The following ZMYM4 variants were observed in gnomAD, a reference collection of about 807,000 sequenced individuals.
ZMYM4 encodes the protein zinc finger MYM-type containing 4, also known as zinc finger MYM-type protein 4.
ZMYM4 carries 31 observed loss-of-function variants against 183.2 expected under a neutral mutation model. That is an observed-to-expected ratio of 0.17 (90% CI 0.13 to 0.23). The LOEUF (loss-of-function observed/expected upper bound fraction) is 0.23. Among genes scored for constraint, ZMYM4 ranks in the 10% least tolerant of loss-of-function variants. ZMYM4 has a pLI of 1.00. For missense variants in ZMYM4, 1,273 were observed against 1,840.3 expected, an observed-to-expected ratio of 0.69 and a Z score of 5.64; for synonymous variants, 592 against 631.2, an observed-to-expected ratio of 0.94 and a Z score of 0.93.
Position 35,389,853 on chromosome 1 carries a change from A to G in ZMYM4, c.2437-95A>G. On this transcript the variant is annotated intron_variant, in intron 14 of 29. Coordinates refer to ENST00000314607, the MANE Select transcript of ZMYM4 (RefSeq NM_005095.3). This position sits in a 1 kb window ranked among gnomAD's most constrained non-coding sequence, Gnocchi z 4.0. ...AACTAATTTTTTGATCTAAATTCTA[A>G]GTTAATTTCGTCACTTGTTATGTGT... 1 of 1,303,342 alleles carries G rather than the reference A, an allele frequency of 7.7e-7. No individual in the cohort carries two copies. The highest frequency in any genetic ancestry group is 1.5e-5 in the South Asian group (1 of 66,370). 80.7% of individuals were successfully genotyped at this position (1,303,342 alleles called of 1,614,324 possible).
rs71062872 is a variant in ZMYM4 at position 35,286,772 on chromosome 1, A to ATT, written c.39+17724_39+17725dup. Among the ~76,000 whole-genome samples the ATT allele has an allele frequency of 1.3e-3, 61 of 46,518 alleles. 8 individuals carry two copies. Among genetic ancestry groups the ATT allele is most frequent in the Non-Finnish European group, 2.0e-3 (45 of 22,872 alleles). The allele number at this position is 46,518 out of a possible 152,430, so 30.5% of individuals were successfully genotyped here. On this transcript the variant is annotated intron_variant, in intron 1 of 29. Coordinates refer to ENST00000314607, the MANE Select transcript of ZMYM4 (RefSeq NM_005095.3). ...ACCCTTGTGCCTGGCTATTTAAATA[A>ATT]TTTTTTTTTTTTTTTTTTTTTTTTT...
At chr1:35,396,403 A>T in intron 18 of ZMYM4, 149 bp from the exon 19 acceptor site, 2 of 1,065,606 alleles carry the variant, frequency 1.9e-6, no homozygotes, top group Non-Finnish European at 2.6e-6. Context: ...TGGCTACTTT[A>T]GTTATTTCTC....
chr1:35,370,574 A>C lies in ZMYM4; in HGVS notation c.1128A>C (p.Pro376=). ...TGTGCCTCACTGGATATACAGTTCC[A>C]CCTGCCCGCCCACCGCCTCCTCTCA... ...STLCLTGYTV[P]PARPPPPLTK... The change falls in exon 7 of 30, where the codon CCA becomes CCC. Residue 376 remains proline, a synonymous_variant. Transcript: ENST00000314607. 2 of 1,612,696 alleles carry C rather than the reference A, an allele frequency of 1.2e-6. No homozygotes were observed. The highest frequency in any genetic ancestry group is 1.7e-6 in the Non-Finnish European group (2 of 1,179,302).
At chr1:35,363,745 G>A (rs903818792) in intron 5 of ZMYM4, among the ~76,000 whole-genome samples, 25 of 152,176 alleles carry the variant, frequency 1.6e-4, no homozygotes, top group African/African-American at 6.0e-4. Context: ...ATAGAAGCAG[G>A]TAATGGAGAT....
chr1:35,359,007 G>A lies in ZMYM4; in HGVS notation c.168G>A (p.Met56Ile). ...TPTLDSMSYG[M>I]PNQTGSENSL... ...CCCTTGACAGCATGTCTTATGGAATGCCGAATCAAACAGGATCTGAAAATT... is the reference window on the plus strand; with the variant it reads ...CCCTTGACAGCATGTCTTATGGAATACCGAATCAAACAGGATCTGAAAATT... Residue 56 changes from methionine to isoleucine, a missense_variant, in exon 3 of 30, where the codon ATG becomes ATA. Physicochemically the swap from Met to Ile is conservative, Grantham distance 10 (BLOSUM62 1). Transcript: ENST00000314607. 6.2e-7 allele frequency: 1 copy of A among 1,613,682 alleles called. No individual in the cohort carries two copies. Among genetic ancestry groups the A allele is most frequent in the Non-Finnish European group, 8.5e-7 (1 of 1,179,730 alleles).
intron 11 of ZMYM4, among the ~76,000 whole-genome samples, chr1:35,386,602 A>C (rs1644583560): frequency 6.6e-6 from 1 of 152,186 alleles, no homozygotes; most frequent in African/African-American, 2.4e-5. Context: ...ACACGAATTC[A>C]AACCTATCAC....
Position 35,380,314 on chromosome 1 carries a change from T to TTTA in ZMYM4, c.1182-943_1182-942insATT, listed in dbSNP as rs576642893. ...TTGGTTTTTATTATTTATTTATTTATTTTATTTATTTATTTATTTATTTAT... is the reference window on the plus strand; with the variant it reads ...TTGGTTTTTATTATTTATTTATTTATTTATTTATTTATTTATTTATTTATTTAT... On this transcript the variant is annotated intron_variant, in intron 7 of 29. Coordinates refer to ENST00000314607, the MANE Select transcript of ZMYM4 (RefSeq NM_005095.3). Among the ~76,000 whole-genome samples the TTTA allele has an allele frequency of 3.2e-3, 491 of 151,304 alleles. 2 individuals carry two copies. Among genetic ancestry groups the TTTA allele is most frequent in the Non-Finnish European group, 4.7e-3 (319 of 67,784 alleles).
intron 7 of ZMYM4, among the ~76,000 whole-genome samples, chr1:35,379,940 G>C (rs1342547649): frequency 1.3e-5 from 2 of 152,186 alleles, no homozygotes; most frequent in East Asian, 3.8e-4. Flanking sequence ...AGTAACATCA[G>C]TGTTCACTAA....
At chr1:35,293,544 T>C (rs1394591571) in intron 1 of ZMYM4, among the ~76,000 whole-genome samples, 1 of 152,136 alleles carries the variant, frequency 6.6e-6, no homozygotes, top group East Asian at 1.9e-4. Context: ...GTTGAACTCC[T>C]GACCTCAGGT....
chr1:35,342,828 G>A (rs1035202051), intron 2 of ZMYM4, among the ~76,000 whole-genome samples: 4 of 151,766 alleles, frequency 2.6e-5, no homozygotes, highest in African/African-American at 4.8e-5. Context: ...ATGCCACCAC[G>A]CCCAGCTACT....
chr1:35,382,158 A>G (rs973338380), intron 9 of ZMYM4, among the ~76,000 whole-genome samples: 1 of 147,544 alleles, frequency 6.8e-6, no homozygotes, highest in African/African-American at 2.6e-5. Context: ...AAAAAAAAAA[A>G]CAAAAATGTA....
rs1448426522 is a variant in ZMYM4, at chr1:35,389,746, C to T, written c.2437-202C>T. ...CTCCAGCCTGGGCGATAGAGCAAGG[C>T]TCTGTCTCAAAAAAAAAAAAAAATA... On this transcript the variant is annotated intron_variant, in intron 14 of 29. Coordinates refer to ENST00000314607, the MANE Select transcript of ZMYM4 (RefSeq NM_005095.3). This position sits in a 1 kb window ranked among gnomAD's most constrained non-coding sequence, Gnocchi z 4.0. 1.4e-5 allele frequency among the ~76,000 whole-genome samples: 2 copies of T among 142,196 alleles called. No homozygotes were observed. The highest frequency in any genetic ancestry group is 7.0e-5 in the Admixed American group (1 of 14,298). The allele number at this position is 142,196 out of a possible 152,430, so 93.3% of individuals were successfully genotyped here.
chr1:35,304,064 G>A (rs545501568), intron 1 of ZMYM4, among the ~76,000 whole-genome samples: 7 of 150,272 alleles, frequency 4.7e-5, no homozygotes, highest in South Asian at 2.1e-4. Flanking sequence ...TCGCGCTGTC[G>A]CCTGGGCTGG....
intron 1 of ZMYM4, among the ~76,000 whole-genome samples, chr1:35,293,558 C>A (rs988051542): frequency 2.0e-5 from 3 of 152,088 alleles, no homozygotes; most frequent in Admixed American, 6.6e-5. Flanking sequence ...CTCAGGTGAT[C>A]CACCTGCCTC....
chr1:35,356,370 T>C (rs903968784), intron 2 of ZMYM4, among the ~76,000 whole-genome samples: 1 of 152,206 alleles, frequency 6.6e-6, no homozygotes, highest in South Asian at 2.1e-4. Context: ...ACAGAGCACA[T>C]GCTATGTGGT....
intron 5 of ZMYM4, among the ~76,000 whole-genome samples, chr1:35,367,609 G>A (rs1007086995): frequency 2.6e-5 from 4 of 152,132 alleles, no homozygotes; most frequent in African/African-American, 4.8e-5. Context: ...AGAAGAGATA[G>A]CCCAAAAACA....
At chr1:35,355,127 A>G (rs1643770364) in intron 2 of ZMYM4, among the ~76,000 whole-genome samples, 1 of 150,034 alleles carries the variant, frequency 6.7e-6, no homozygotes, top group South Asian at 2.1e-4. Context: ...TTCGCCTTCC[A>G]GGTTCACGCC....
intron 1 of ZMYM4, among the ~76,000 whole-genome samples, chr1:35,316,001 A>T (rs556196267): frequency 2.0e-5 from 3 of 152,164 alleles, no homozygotes; most frequent in African/African-American, 7.2e-5. Flanking sequence ...AGAGAATTAG[A>T]CCTACTTTTT....
At chr1:35,385,259 A>G (rs1644551760) in intron 9 of ZMYM4, among the ~76,000 whole-genome samples, 183 bp from the exon 10 acceptor site, 1 of 152,256 alleles carries the variant, frequency 6.6e-6, no homozygotes. Flanking sequence ...CATGCATCAT[A>G]CACAAATGCA....
Sources: gnomAD v4.1 joint callset for allele counts (sites outside exome capture counted in the v4.1 genomes callset) on GRCh38, gnomAD v4.1.1 for gene constraint, Gnocchi (gnomAD v3.1) non-coding constraint, MANE v1.5 for transcripts, NCBI Gene and HGNC (gene_info 2026-07-23, HGNC 2026-07-21) for gene names.